PSPC1: variants seen among roughly 807,000 people sequenced by gnomAD.
PSPC1 encodes the protein paraspeckle protein 1.
A neutral mutation model predicts 51.6 loss-of-function variants in PSPC1; 14 were observed. The observed-to-expected ratio is 0.27, with a 90% confidence interval of 0.18 to 0.42. PSPC1 has a LOEUF of 0.42. Ranked by LOEUF, PSPC1 falls within the 10% of genes least tolerant of loss-of-function variation. PSPC1 has a pLI of 1.00. For synonymous variants in PSPC1, 193 were observed against 231.9 expected, an observed-to-expected ratio of 0.83 and a Z score of 1.53; for missense variants, 406 against 701.1, an observed-to-expected ratio of 0.58 and a Z score of 4.75.
intron 5 of PSPC1, among the ~76,000 whole-genome samples, chr13:19,734,365 G>A (rs1233982495): frequency 6.6e-6 from 1 of 152,028 alleles, no homozygotes; most frequent in African/African-American, 2.4e-5. Context: ...TTATTTACAG[G>A]TCTCAAATAT....
chr13:19,768,318 C>T (rs1236896685), intron 2 of PSPC1, among the ~76,000 whole-genome samples: 1 of 152,156 alleles, frequency 6.6e-6, no homozygotes, highest in East Asian at 1.9e-4. Context: ...ATCTAGATTT[C>T]ATAATTCAGT....
At chr13:19,756,646 C>T (rs891951094) in intron 3 of PSPC1, among the ~76,000 whole-genome samples, 3 of 151,934 alleles carry the variant, frequency 2.0e-5, no homozygotes, top group Admixed American at 1.3e-4. Flanking sequence ...ATTACAGATG[C>T]GTGCCACCAC....
chr13:19,749,976 T>C (rs1886370938), intron 4 of PSPC1, among the ~76,000 whole-genome samples: 2 of 152,204 alleles, frequency 1.3e-5, no homozygotes, highest in South Asian at 2.1e-4. Context: ...AGTTACTCAA[T>C]GACTTCATCA....
At chr13:19,779,738 G>C (rs564611291) in intron 1 of PSPC1, among the ~76,000 whole-genome samples, 3 of 112,956 alleles carry the variant, frequency 2.7e-5, no homozygotes, top group Non-Finnish European at 5.7e-5. Flanking sequence ...AGGTGGGGGG[G>C]GGTCAGCCCT....
intron 6 of PSPC1, among the ~76,000 whole-genome samples, chr13:19,720,788 C>T (rs936511945): frequency 1.3e-4 from 20 of 152,142 alleles, no homozygotes; most frequent in Non-Finnish European, 2.8e-4. Flanking sequence ...ACATAGTGCA[C>T]AATATAGTAT....
chr13:19,772,948 G>A (rs935459271), intron 1 of PSPC1, among the ~76,000 whole-genome samples: 1 of 152,052 alleles, frequency 6.6e-6, no homozygotes. Flanking sequence ...GATCACCTGA[G>A]GTCAGGAGTT....
chr13:19,755,157 G>C (rs923627907), intron 3 of PSPC1, among the ~76,000 whole-genome samples: 1 of 151,776 alleles, frequency 6.6e-6, no homozygotes, highest in Non-Finnish European at 1.5e-5. Context: ...GATCACTTGA[G>C]ACCAGGAGGT....
rs1890094323 is a variant in PSPC1 at position 19,782,616 on chromosome 13, G to A, written c.142C>T (p.Pro48Ser). ...TGGTCCTCTGGAGGCGCGGGCGCGG[G>A]CGGTGCCGGCTCCCCGGCAAGAGCG... ...ALALAGEPAP[P>S]APAPPEDHPD... Residue 48 changes from proline (P) to serine (S), a missense_variant, in exon 1 of 9, where the codon CCC (proline) becomes TCC (serine). Transcript: ENST00000338910. The surrounding 1 kb of genome is among the most constrained non-coding windows in gnomAD (Gnocchi z 4.5). 1.9e-6 allele frequency: 3 copies of A among 1,578,182 alleles called. No homozygotes were observed. The highest frequency in any genetic ancestry group is 2.4e-5 in the East Asian group (1 of 40,942).
At chr13:19,714,230 A>C (rs1449223289) in intron 6 of PSPC1, among the ~76,000 whole-genome samples, 1 of 152,198 alleles carries the variant, frequency 6.6e-6, no homozygotes, top group Non-Finnish European at 1.5e-5. Flanking sequence ...ATTGAGGTGC[A>C]TGTTGAATGA....
At chr13:19,696,408 G>A (rs1879242955) in intron 6 of PSPC1, among the ~76,000 whole-genome samples, 1 of 151,900 alleles carries the variant, frequency 6.6e-6, no homozygotes, top group Admixed American at 6.6e-5. Context: ...ACAAACAACT[G>A]TCAATACAGC....
intron 6 of PSPC1, among the ~76,000 whole-genome samples, chr13:19,696,023 C>G (rs116538391): frequency 6.6e-6 from 1 of 151,934 alleles, no homozygotes; most frequent in African/African-American, 2.4e-5. Context: ...CTCCACGAAG[C>G]GAGGAATCTG....
At chr13:19,781,907 ACCAGTGATACGTCTGGT>A (rs1020825245) in intron 1 of PSPC1, among the ~76,000 whole-genome samples, 8 of 152,352 alleles carry the variant, frequency 5.3e-5, no homozygotes, top group African/African-American at 1.9e-4. Flanking sequence ...GACCCTCACG[ACCAGTGATACGTCTGGT>A]CCGACTTAAG....
intron 6 of PSPC1, among the ~76,000 whole-genome samples, chr13:19,719,674 C>T (rs1882536026): frequency 6.6e-6 from 1 of 152,106 alleles, no homozygotes; most frequent in Admixed American, 6.6e-5. Flanking sequence ...GAATAGATTG[C>T]TCTGATATTA....
chr13:19,688,339 C>A (rs1451194233), intron 6 of PSPC1, among the ~76,000 whole-genome samples: 2 of 152,030 alleles, frequency 1.3e-5, no homozygotes, highest in Non-Finnish European at 2.9e-5. Context: ...AACCTCCTGT[C>A]ACACGATGCT....
chr13:19,752,997 C>T (rs1181498599), intron 3 of PSPC1, among the ~76,000 whole-genome samples: 1 of 151,836 alleles, frequency 6.6e-6, no homozygotes, highest in Non-Finnish European at 1.5e-5. Flanking sequence ...AGACTCACTG[C>T]CGAGACTGGG....
At chr13:19,682,530 A>G (rs2137594172) in intron 6 of PSPC1, among the ~76,000 whole-genome samples, 1 of 151,620 alleles carries the variant, frequency 6.6e-6, no homozygotes, top group East Asian at 1.9e-4. Flanking sequence ...GGTACTCAAC[A>G]TCAGAAGTTA....
At chr13:19,731,274 T>C (rs1187148579) in intron 5 of PSPC1, among the ~76,000 whole-genome samples, 1 of 152,196 alleles carries the variant, frequency 6.6e-6, no homozygotes, top group Non-Finnish European at 1.5e-5. Context: ...ATAGTAATAT[T>C]GAAGTAACAG....
chr13:19,767,009 C>T (rs1339774458), intron 2 of PSPC1, among the ~76,000 whole-genome samples: 5 of 151,578 alleles, frequency 3.3e-5, no homozygotes, highest in African/African-American at 1.2e-4. Context: ...TCCACCTCTA[C>T]AAAAAATACA....
intron 6 of PSPC1, among the ~76,000 whole-genome samples, chr13:19,717,948 G>A (rs1205964344): frequency 4.0e-5 from 6 of 151,570 alleles, no homozygotes; most frequent in South Asian, 2.1e-4. Flanking sequence ...GGGGACCAAC[G>A]CAGGAGGATC....
Sources: gnomAD v4.1 joint callset for allele counts (sites outside exome capture counted in the v4.1 genomes callset) on GRCh38, gnomAD v4.1.1 for gene constraint, Gnocchi (gnomAD v3.1) non-coding constraint, MANE v1.5 for transcripts, NCBI Gene and HGNC (gene_info 2026-07-23, HGNC 2026-07-21) for gene names.